The following TMED3 variants were observed in gnomAD, a reference collection of about 807,000 sequenced individuals.
The protein encoded by TMED3 is transmembrane p24 trafficking protein 3, also known as transmembrane emp24 domain-containing protein 3.
A neutral mutation model predicts 15.0 loss-of-function variants in TMED3; 9 were observed. The observed-to-expected ratio is 0.60, with a 90% CI of 0.36 to 1.04. The LOEUF is 1.04. Ranked by LOEUF, TMED3 falls within the 50% of genes least tolerant of loss-of-function variation. TMED3 has a pLI of 0.01. For synonymous variants in TMED3, 117 were observed against 121.4 expected (o/e 0.96, Z 0.24); for missense variants, 267 against 278.9 (o/e 0.96, Z 0.30).
At position 79,382,949 on chromosome 15, in the gene TMED3, G is replaced by A. The variant is rs10163177; in HGVS notation, c.418-28451G>A. ...AAGTCAATTACAAGGGCATAAACAC[G>A]ATTTATTTCTTTTCCAAGGGTCCCA... On this transcript the variant is annotated intron_variant, in intron 2 of 2. Transcript: ENST00000424155. 11,542 of 1,535,140 alleles carry A rather than the reference G, an allele frequency of 7.5e-3. 526 individuals carry two copies. In the African/African-American group the frequency reaches 0.11, roughly 15 times the overall value.
chr15:79,364,310 A>C lies in TMED3; in HGVS notation c.418-47090A>C, dbSNP rs568202753. The stretch of plus-strand genomic sequence containing the variant: ...CATGTTTAAGCAAGCCCCCTGTGCA[A>C]GTTCCCTTATATGCATAAAATATCT... On this transcript the variant is annotated intron_variant, in intron 2 of 2. Transcript: ENST00000424155. Among the ~76,000 whole-genome samples the C allele has an allele frequency of 8.5e-5, 13 of 152,210 alleles. No homozygotes were observed. The South Asian group carries it at 2.7e-3, about 32-fold the overall frequency.
chr15:79,373,951 T>C (rs34990209), intron 2 of TMED3, among the ~76,000 whole-genome samples: 9,347 of 151,976 alleles, frequency 0.062, 414 homozygotes, highest in Non-Finnish European at 0.091. Context: ...TTAAGGGAGG[T>C]TGTGGAAGCC....
chr15:79,366,375 A>G (rs2141243170), intron 2 of TMED3, among the ~76,000 whole-genome samples: 1 of 152,262 alleles, frequency 6.6e-6, no homozygotes, highest in African/African-American at 2.4e-5. Flanking sequence ...GCCTTTCTTT[A>G]TCCACAACTG....
rs571711885 is a variant in TMED3 at position 79,382,854 on chromosome 15, A to G, written c.418-28546A>G. 3.1e-5 allele frequency: 31 copies of G among 1,001,332 alleles called. 1 individual carries two copies. Among genetic ancestry groups the G allele is most frequent in the South Asian group, 2.0e-4 (14 of 69,306 alleles). The allele number at this position is 1,001,332 out of a possible 1,614,324, so 62.0% of individuals were successfully genotyped here. ...ATATAGGTGCAGGGAAGCTTCTTTT[A>G]TATTATCTTTCATGGGTATCTCATA... On this transcript the variant is annotated intron_variant, in intron 2 of 2. Transcript: ENST00000424155.
intron 2 of TMED3, chr15:79,384,556 TA>T (rs1893598080): frequency 6.6e-6 from 1 of 152,360 alleles, no homozygotes; most frequent in African/African-American, 2.4e-5. Context: ...CCTGGCAGTA[TA>T]GCTGGTGGGA....
At chr15:79,396,226 A>T (rs184631826) in intron 2 of TMED3, among the ~76,000 whole-genome samples, 26 of 152,322 alleles carry the variant, frequency 1.7e-4, no homozygotes, top group Non-Finnish European at 1.3e-4. Context: ...TTTTTATGTT[A>T]TAACTGTCTA....
intron 2 of TMED3, among the ~76,000 whole-genome samples, chr15:79,357,419 A>G (rs2058923593): frequency 7.6e-6 from 1 of 131,342 alleles, no homozygotes; most frequent in African/African-American, 2.9e-5. Flanking sequence ...TGGGAGGTTG[A>G]GGCTGCAGTG....
chr15:79,327,731 G>A (rs1021257068), downstream of TMED3, among the ~76,000 whole-genome samples: 1 of 152,156 alleles, frequency 6.6e-6, no homozygotes, highest in African/African-American at 2.4e-5. Context: ...CTATGAGAAA[G>A]TATTGTCAGA....
chr15:79,322,164 A>G lies in TMED3; in HGVS notation c.604A>G (p.Lys202Glu). The part of the protein sequence containing the change: ...VVSFSQVLLL[K>E]SFFTEKRPIS... ...CAGCTTCAGTCAGGTGCTACTGTTG[A>G]AAAGCTTCTTCACAGAAAAACGACC... The change falls in exon 3 of 3, where the codon AAA (lysine) becomes GAA (glutamate). Residue 202 changes from lysine (K) to glutamate (E), a missense_variant. By Grantham distance (56) the Lys-to-Glu change is moderately conservative. Transcript: ENST00000299705. 6.2e-7 allele frequency: 1 copy of G among 1,614,186 alleles called. No individual in the cohort carries two copies. Among genetic ancestry groups the G allele is most frequent in the Non-Finnish European group, 8.5e-7 (1 of 1,180,036 alleles).
chr15:79,321,484 G>A (rs969005666), intron 2 of TMED3, among the ~76,000 whole-genome samples: 1 of 152,184 alleles, frequency 6.6e-6, no homozygotes, highest in African/African-American at 2.4e-5. Context: ...AAAACTATAG[G>A]CAGCAATTAC....
intron 2 of TMED3, among the ~76,000 whole-genome samples, chr15:79,355,392 G>C (rs994695524): frequency 6.6e-6 from 1 of 152,170 alleles, no homozygotes; most frequent in African/African-American, 2.4e-5. Flanking sequence ...CGTAGGTTAG[G>C]TGGCTGGGCT....
chr15:79,368,126 A>T (rs1327027671), intron 2 of TMED3, among the ~76,000 whole-genome samples: 3 of 152,150 alleles, frequency 2.0e-5, no homozygotes, highest in Non-Finnish European at 2.9e-5. Context: ...AGAACCAAAC[A>T]TGTGATTCTG....
At chr15:79,353,915 C>T (rs2058908298) in intron 2 of TMED3, among the ~76,000 whole-genome samples, 1 of 152,006 alleles carries the variant, frequency 6.6e-6, no homozygotes, top group Admixed American at 6.6e-5. Flanking sequence ...ACCAAGTGAC[C>T]CCAGCTTCCC....
At chr15:79,409,944 G>A (rs913885258) in intron 2 of TMED3, among the ~76,000 whole-genome samples, 1 of 151,884 alleles carries the variant, frequency 6.6e-6, no homozygotes, top group African/African-American at 2.4e-5. Flanking sequence ...CCCTGTAGAG[G>A]GGTAAACTAA....
chr15:79,396,718 G>A (rs1265264071), intron 2 of TMED3, among the ~76,000 whole-genome samples: 3 of 152,138 alleles, frequency 2.0e-5, no homozygotes, highest in African/African-American at 7.2e-5. Context: ...ATGTGGCTGT[G>A]GTCACTGGAA....
chr15:79,383,058 C>T, intron 2 of TMED3: 4 of 1,531,784 alleles, frequency 2.6e-6, no homozygotes, highest in Non-Finnish European at 3.5e-6. Context: ...GCTTGTTTAC[C>T]TCCTGTGCAT....
At chr15:79,410,072 G>A (rs563711918) in intron 2 of TMED3, among the ~76,000 whole-genome samples, 14 of 151,870 alleles carry the variant, frequency 9.2e-5, no homozygotes, top group Non-Finnish European at 1.2e-4. Flanking sequence ...ATTTTACGCC[G>A]CACACATATG....
chr15:79,315,658 T>C (rs1452790699), intron 2 of TMED3, among the ~76,000 whole-genome samples: 1 of 152,144 alleles, frequency 6.6e-6, no homozygotes, highest in African/African-American at 2.4e-5. Context: ...GAAAGAGTGA[T>C]TTATGCTTCC....
chr15:79,317,827 G>A (rs1294524777), intron 2 of TMED3, among the ~76,000 whole-genome samples: 1 of 152,184 alleles, frequency 6.6e-6, no homozygotes, highest in East Asian at 1.9e-4. Context: ...TCTCTTCCCA[G>A]TAGAATTGCA....
Sources: allele counts gnomAD v4.1 joint callset (sites outside exome capture counted in the v4.1 genomes callset), GRCh38; gene constraint gnomAD v4.1.1; transcripts MANE v1.5; gene names NCBI Gene and HGNC (gene_info 2026-07-23, HGNC 2026-07-21).